KCNMA1: variants seen among roughly 807,000 people sequenced by gnomAD.
KCNMA1 encodes Calcium-activated potassium channel subunit alpha-1.
A neutral mutation model predicts 140.0 loss-of-function variants in KCNMA1; 29 were observed. The observed-to-expected ratio is 0.21, with a 90% CI of 0.15 to 0.28. The LOEUF is 0.28. Ranked by LOEUF, KCNMA1 falls within the 10% of genes least tolerant of loss-of-function variation. KCNMA1 has a pLI of 1.00. For synonymous variants in KCNMA1, 612 were observed against 611.9 expected (o/e 1.00, Z 0.00); for missense variants, 880 against 1,602.2 (o/e 0.55, Z 7.70).
chr10:77,262,424 G>A (rs1048723812), intron 2 of KCNMA1, among the ~76,000 whole-genome samples: 1 of 152,164 alleles, frequency 6.6e-6, no homozygotes, highest in African/African-American at 2.4e-5. Context: ...GAGAAGTGGG[G>A]AATTATTGTT....
At chr10:77,220,925 A>G (rs1460096682) in intron 3 of KCNMA1, among the ~76,000 whole-genome samples, 2 of 152,172 alleles carry the variant, frequency 1.3e-5, no homozygotes, top group Non-Finnish European at 2.9e-5. Context: ...GGAACTCAAT[A>G]AAATTATCAA....
At chr10:77,174,443 C>A (rs929808409) in intron 5 of KCNMA1, among the ~76,000 whole-genome samples, 42 of 152,180 alleles carry the variant, frequency 2.8e-4, no homozygotes, top group African/African-American at 6.8e-4. Flanking sequence ...CGTGGTCCCA[C>A]AGAACTGTCT....
intron 5 of KCNMA1, among the ~76,000 whole-genome samples, chr10:77,166,156 CTATT>C (rs1188187036): frequency 1.3e-5 from 2 of 152,064 alleles, no homozygotes; most frequent in Admixed American, 6.6e-5. Context: ...GGAAGGGAGG[CTATT>C]TATTTCATAA....
intron 2 of KCNMA1, among the ~76,000 whole-genome samples, chr10:77,356,835 A>G (rs2093529541): frequency 6.6e-6 from 1 of 152,296 alleles, no homozygotes; most frequent in African/African-American, 2.4e-5. Flanking sequence ...CAGTAAGACT[A>G]TGAGACCTAT....
In KCNMA1 at chr10:77,073,192, C is replaced by A; in HGVS notation, c.1654G>T (p.Ala552Ser). The change falls in exon 14 of 28, where the codon GCA becomes TCA. Residue 552 changes from alanine to serine, a missense_variant. Ala to Ser is a moderately conservative substitution (Grantham distance 99). Transcript: ENST00000286628. ...GCTATGAAGCCCAACTTCAACTCTG[C>A]GAGGCAGATTGCGTCATCACCTTCT... ...WKEGDDAICL[A>S]ELKLGFIAQS... is the part of the protein sequence containing the mutation. 6.2e-7 allele frequency: 1 copy of A among 1,614,174 alleles called. No individual in the cohort carries two copies. Among genetic ancestry groups the A allele is most frequent in the Non-Finnish European group, 8.5e-7 (1 of 1,179,992 alleles).
intron 1 of KCNMA1, among the ~76,000 whole-genome samples, chr10:77,580,564 C>G (rs1380700295): frequency 1.3e-5 from 2 of 152,236 alleles, no homozygotes; most frequent in East Asian, 3.8e-4. Context: ...AAATGCAGGG[C>G]AGGGTCAGCC....
chr10:77,578,204 A>G (rs1377020051), intron 1 of KCNMA1, among the ~76,000 whole-genome samples: 2 of 152,130 alleles, frequency 1.3e-5, no homozygotes, highest in Non-Finnish European at 2.9e-5. Flanking sequence ...CCTCCTCCCA[A>G]TTCTAGTGGC....
intron 1 of KCNMA1, among the ~76,000 whole-genome samples, chr10:77,491,550 A>G (rs1380673625): frequency 1.3e-5 from 2 of 152,206 alleles, no homozygotes; most frequent in African/African-American, 4.8e-5. Flanking sequence ...AGGGCAATGT[A>G]GGGCAGTGGC....
At chr10:77,637,017 C>T in intron 1 of KCNMA1, 2 of 1,414,116 alleles carry the variant, frequency 1.4e-6, no homozygotes, top group South Asian at 1.6e-5. Flanking sequence ...CTACAATAAA[C>T]AAGAGGACAG....
intron 9 of KCNMA1, among the ~76,000 whole-genome samples, chr10:77,095,686 T>A (rs1369809): frequency 6.6e-6 from 1 of 152,216 alleles, no homozygotes; most frequent in East Asian, 1.9e-4. Context: ...TCTCCTGCCA[T>A]TTAAGCATCG....
chr10:77,467,232 T>C (rs1017990883), intron 1 of KCNMA1, among the ~76,000 whole-genome samples: 2 of 152,196 alleles, frequency 1.3e-5, no homozygotes, highest in African/African-American at 4.8e-5. Flanking sequence ...TCAGTGACTG[T>C]GTCAGTTTTC....
intron 2 of KCNMA1, chr10:77,315,535 T>C (rs1441331094): frequency 1.3e-5 from 2 of 152,204 alleles, no homozygotes; most frequent in African/African-American, 4.8e-5. Context: ...CAACCCAACT[T>C]GGAAGAATTT....
chr10:77,253,860 G>A (rs2060153592), intron 2 of KCNMA1, among the ~76,000 whole-genome samples: 1 of 152,132 alleles, frequency 6.6e-6, no homozygotes, highest in Non-Finnish European at 1.5e-5. Context: ...CTTGCTAAAT[G>A]CCTCTTTATC....
chr10:77,221,106 A>G (rs1346486775), intron 3 of KCNMA1, among the ~76,000 whole-genome samples: 1 of 152,230 alleles, frequency 6.6e-6, no homozygotes, highest in Admixed American at 6.5e-5. Flanking sequence ...GTAGGGTCTT[A>G]ACAACCTTAA....
intron 1 of KCNMA1, among the ~76,000 whole-genome samples, chr10:77,479,053 T>A (rs1462102369): frequency 1.3e-5 from 2 of 152,238 alleles, no homozygotes; most frequent in Admixed American, 6.5e-5. Flanking sequence ...GTAGTAGATG[T>A]TTCTGTTGTG....
chr10:76,956,036 C>T (rs903068021), intron 20 of KCNMA1, among the ~76,000 whole-genome samples: 1 of 152,116 alleles, frequency 6.6e-6, no homozygotes, highest in Non-Finnish European at 1.5e-5. Context: ...GAACTATGTT[C>T]CCATAATATC....
intron 1 of KCNMA1, chr10:77,636,567 C>T: frequency 6.5e-7 from 1 of 1,536,172 alleles, no homozygotes; most frequent in Non-Finnish European, 8.7e-7. Flanking sequence ...TCCACTAGAG[C>T]ACCTAAGGGA....
chr10:77,170,977 T>C lies in KCNMA1; in HGVS notation c.808+12444A>G, dbSNP rs138079513. Reference sequence around the variant, plus strand: ...TCTCAAAAACATATGAAATAAAGGATTACATTAATAAGAATACTGATATTT... The same window carrying C: ...TCTCAAAAACATATGAAATAAAGGACTACATTAATAAGAATACTGATATTT... On this transcript the variant is annotated intron_variant, in intron 5 of 27. Transcript: ENST00000286628. 4.9e-4 allele frequency among the ~76,000 whole-genome samples: 74 copies of C among 152,214 alleles called. 1 individual carries two copies. In the East Asian group the frequency reaches 0.013, roughly 26 times the overall value.
At chr10:77,015,898 A>G (rs544239538) in intron 17 of KCNMA1, among the ~76,000 whole-genome samples, 1 of 152,170 alleles carries the variant, frequency 6.6e-6, no homozygotes, top group South Asian at 2.1e-4. Flanking sequence ...CACCTAAACT[A>G]TGCAATAGGC....
Sources: gnomAD v4.1 joint callset for allele counts (sites outside exome capture counted in the v4.1 genomes callset) on GRCh38, gnomAD v4.1.1 for gene constraint, MANE v1.5 for transcripts, NCBI Gene and HGNC (gene_info 2026-07-23, HGNC 2026-07-21) for gene names.